LUC7L2: variants seen among roughly 807,000 people sequenced by gnomAD.
LUC7L2 encodes the protein LUC7 like 2, pre-mRNA splicing factor, also known as putative RNA-binding protein Luc7-like 2.
LUC7L2 carries 25 observed loss-of-function variants against 52.8 expected under a neutral mutation model. The observed-to-expected ratio is 0.47, with a 90% CI of 0.34 to 0.66. The LOEUF (loss-of-function observed/expected upper bound fraction) is 0.66, where lower values mean the gene tolerates loss of function less well. Ranked by LOEUF, LUC7L2 falls within the 30% of genes least tolerant of loss-of-function variation. LUC7L2 has a pLI of 0.01. For missense variants in LUC7L2, 328 were observed against 497.8 expected, an observed-to-expected ratio of 0.66 and a Z score of 3.25; for synonymous variants, 144 against 160.9, an observed-to-expected ratio of 0.89 and a Z score of 0.80.
In LUC7L2 at chr7:139,360,157, A is replaced by T; in HGVS notation, c.-105A>T. The T allele has an allele frequency of 1.2e-6, 1 of 810,872 alleles. No homozygotes were observed. The highest frequency in any genetic ancestry group is 1.9e-6 in the Non-Finnish European group (1 of 532,102). The allele number at this position is 810,872 out of a possible 1,614,324, so 50.2% of individuals were successfully genotyped here. On this transcript the variant is annotated 5_prime_UTR_variant, in exon 1 of 10. Transcript: ENST00000354926. ...CGCACGCCTCGAGGCGGCGGCGGCCACCGAGACAGCAGCGCACCTTCCCCC... is the reference window on the plus strand; with the variant it reads ...CGCACGCCTCGAGGCGGCGGCGGCCTCCGAGACAGCAGCGCACCTTCCCCC...
intron 1 of LUC7L2, chr7:139,341,670 C>T (rs938343020): frequency 7.2e-7 from 1 of 1,384,502 alleles, no homozygotes; most frequent in Non-Finnish European, 9.5e-7. Context: ...CCAACCCAGG[C>T]CCTAGGCTCC....
intron 8 of LUC7L2, among the ~76,000 whole-genome samples, chr7:139,413,943 T>G (rs1795480691): frequency 6.6e-6 from 1 of 152,208 alleles, no homozygotes; most frequent in Admixed American, 6.5e-5. Context: ...GTAGAAACAT[T>G]AAACTGTGAT....
At chr7:139,397,559 C>A (rs938935978) in intron 2 of LUC7L2, among the ~76,000 whole-genome samples, 4 of 152,106 alleles carry the variant, frequency 2.6e-5, no homozygotes, top group African/African-American at 7.2e-5. Flanking sequence ...TTTTACCAAC[C>A]CTCCAGAGAT....
At chr7:139,375,966 A>G (rs1381310458) in intron 1 of LUC7L2, 96 bp from the exon 2 acceptor site, 2 of 1,225,970 alleles carry the variant, frequency 1.6e-6, no homozygotes, top group South Asian at 1.3e-5. Context: ...TAATGTGTGT[A>G]TATAGCCACA....
At chr7:139,348,656 T>C (rs1373669641) in intron 1 of LUC7L2, among the ~76,000 whole-genome samples, 1 of 151,400 alleles carries the variant, frequency 6.6e-6, no homozygotes, top group Non-Finnish European at 1.5e-5. Context: ...GAGGTGGAGG[T>C]TGCAGTGAGC....
At chr7:139,401,463 G>T (rs962524559) in intron 3 of LUC7L2, among the ~76,000 whole-genome samples, 7 of 151,948 alleles carry the variant, frequency 4.6e-5, no homozygotes, top group African/African-American at 9.7e-5. Flanking sequence ...GTCCTCAAGT[G>T]ATTTTTTTTG....
At chr7:139,357,284 A>G (rs890877153), upstream of LUC7L2, among the ~76,000 whole-genome samples, 11 of 152,198 alleles carry the variant, frequency 7.2e-5, no homozygotes, top group African/African-American at 2.4e-4. Flanking sequence ...CAAACACAGG[A>G]GTAATTACAT....
intron 1 of LUC7L2, among the ~76,000 whole-genome samples, chr7:139,352,175 G>A (rs1284971553): frequency 2.0e-5 from 3 of 151,732 alleles, no homozygotes; most frequent in African/African-American, 4.8e-5. Flanking sequence ...CAGCCTGGGC[G>A]ACAGAGAAAG....
At chr7:139,410,732 A>C (rs1049886607) in intron 7 of LUC7L2, among the ~76,000 whole-genome samples, 4 of 152,208 alleles carry the variant, frequency 2.6e-5, no homozygotes, top group Non-Finnish European at 5.9e-5. Context: ...AGATGTGCTT[A>C]AGCTAATTAA....
chr7:139,401,754 CTTTT>C (rs58559406), intron 3 of LUC7L2, among the ~76,000 whole-genome samples: 1 of 135,938 alleles, frequency 7.4e-6, no homozygotes, highest in Non-Finnish European at 1.6e-5. Context: ...CGCCCAGCTT[CTTTT>C]TTTTTTTTTT....
intron 2 of LUC7L2, among the ~76,000 whole-genome samples, chr7:139,384,407 A>T (rs1013100790): frequency 6.6e-5 from 10 of 152,042 alleles, no homozygotes; most frequent in African/African-American, 2.2e-4. Context: ...CTGGCATTAC[A>T]GGCTTGCACC....
At chr7:139,372,544 TTGG>T (rs1800506076) in intron 1 of LUC7L2, among the ~76,000 whole-genome samples, 1 of 152,212 alleles carries the variant, frequency 6.6e-6, no homozygotes, top group South Asian at 2.1e-4. Flanking sequence ...ATTTCCATTC[TTGG>T]TGGTAATTTT....
chr7:139,368,737 C>A (rs1415003354), intron 1 of LUC7L2, among the ~76,000 whole-genome samples: 342 of 110,328 alleles, frequency 3.1e-3, no homozygotes, highest in Middle Eastern at 5.0e-3. Flanking sequence ...GACACCGTCT[C>A]AAAAAAAAAA....
upstream of LUC7L2, chr7:139,359,812 G>C: frequency 2.5e-6 from 1 of 402,940 alleles, no homozygotes; most frequent in Non-Finnish European, 4.4e-6. Context: ...AACTCCACTC[G>C]GGCGGGGCGG....
In LUC7L2 at chr7:139,367,219, G is replaced by A. The variant is rs556122898; in HGVS notation, c.61+6897G>A. On this transcript the variant is annotated intron_variant, in intron 1 of 9. Transcript: ENST00000354926. ...ACTCCTGACCTCAAGTGATCTACCT[G>A]CCTTGGCCTCCCAAAGTGCTGGTAT... Among the ~76,000 whole-genome samples the A allele has an allele frequency of 1.4e-3, 220 of 152,190 alleles. 2 individuals carry two copies. Among genetic ancestry groups the A allele is most frequent in the African/African-American group, 4.9e-3 (205 of 41,530 alleles).
intron 2 of LUC7L2, among the ~76,000 whole-genome samples, chr7:139,395,700 G>T (rs1794629732): frequency 1.3e-5 from 2 of 152,140 alleles, no homozygotes. Context: ...GAATGCAGTG[G>T]CATGATCACA....
intron 2 of LUC7L2, among the ~76,000 whole-genome samples, chr7:139,382,048 T>A (rs961551573): frequency 2.0e-5 from 3 of 151,958 alleles, no homozygotes; most frequent in African/African-American, 7.2e-5. Context: ...CAGGCCTGGC[T>A]AATTTTTTGT....
chr7:139,409,796 G>T (rs927156394), intron 7 of LUC7L2, 142 bp downstream of exon 7: 2 of 1,249,920 alleles, frequency 1.6e-6, no homozygotes, highest in Non-Finnish European at 2.1e-6. Flanking sequence ...ATTACTGTGC[G>T]AATTATATAA....
chr7:139,407,489 G>T, intron 6 of LUC7L2, 139 bp downstream of exon 6: 1 of 1,025,572 alleles, frequency 9.8e-7, no homozygotes, highest in Non-Finnish European at 1.3e-6. Flanking sequence ...GATTATAGAT[G>T]GAAATTCAAG....
Sources: gnomAD v4.1 joint callset for allele counts (sites outside exome capture counted in the v4.1 genomes callset) on GRCh38, gnomAD v4.1.1 for gene constraint, MANE v1.5 for transcripts, NCBI Gene and HGNC (gene_info 2026-07-23, HGNC 2026-07-21) for gene names.